The following TGM6 variants were observed in gnomAD, a reference collection of about 807,000 sequenced individuals.
TGM6 encodes the protein transglutaminase 6, also known as protein-glutamine gamma-glutamyltransferase 6.
In TGM6, 74 loss-of-function variants were observed where a neutral mutation model predicts 77.5. The ratio of observed to expected loss-of-function variants is 0.96; its 90% CI spans 0.79 to 1.16. The LOEUF is 1.16. TGM6 is among the 50% of genes most tolerant of loss of function. The pLI is 0.00. For synonymous variants in TGM6, 383 were observed against 378.9 expected, an observed-to-expected ratio of 1.01 and a Z score of -0.12; for missense variants, 968 against 940.2, an observed-to-expected ratio of 1.03 and a Z score of -0.39.
At position 2,387,805 on chromosome 20, in the gene TGM6, C is replaced by T. The variant is rs191714060; in HGVS notation, c.8-6647C>T. Among the ~76,000 whole-genome samples the T allele has an allele frequency of 2.1e-3, 315 of 152,330 alleles. 2 individuals are homozygous for T. The highest frequency in any genetic ancestry group is 2.0e-3 in the Non-Finnish European group (135 of 68,030). ...GGCAGAGCTCGGCAGGGACAGCTTG[C>T]GTCTGCATCAGCTGGGGCAGATTGC... On this transcript the variant is annotated intron_variant, in intron 1 of 12. Transcript: ENST00000202625.
chr20:2,409,692 A>G lies in TGM6; in HGVS notation c.1336+5869A>G, dbSNP rs79242902. ...AGGCCACTGCACTCCAGCCTGGATCACAAAGCGAGACTGTCTCAAAAAAAA... is the reference window on the plus strand; with the variant it reads ...AGGCCACTGCACTCCAGCCTGGATCGCAAAGCGAGACTGTCTCAAAAAAAA... On this transcript the variant is annotated intron_variant, in intron 9 of 12. Transcript: ENST00000202625. Among the ~76,000 whole-genome samples the G allele has an allele frequency of 7.3e-3, 1,113 of 151,746 alleles. 15 individuals carry two copies. The highest frequency in any genetic ancestry group is 0.025 in the African/African-American group (1,032 of 41,282).
At chr20:2,432,464 G>A (rs2084929632) in intron 12 of TGM6, 26 bp from the exon 13 acceptor site, 3 of 1,613,272 alleles carry the variant, frequency 1.9e-6, no homozygotes, top group Admixed American at 1.7e-5. Flanking sequence ...CTGACAGTCT[G>A]CCTTTCTCCC....
At position 2,407,865 on chromosome 20, in the gene TGM6, G is replaced by A. The variant is rs1261047918; in HGVS notation, c.1336+4042G>A. On this transcript the variant is annotated intron_variant, in intron 9 of 12. Coordinates refer to ENST00000202625, the MANE Select transcript of TGM6 (RefSeq NM_198994.3). Reference sequence around the variant, plus strand: ...CCTGAGTGTCAGGCATGATTCAGAGGCAAGGGGACAAAGAGAAGTCCCCAG... The same window carrying A: ...CCTGAGTGTCAGGCATGATTCAGAGACAAGGGGACAAAGAGAAGTCCCCAG... Among the ~76,000 whole-genome samples, 3 of 152,130 alleles carry A rather than the reference G, an allele frequency of 2.0e-5. No homozygotes were observed. In the East Asian group the frequency reaches 5.8e-4, roughly 29 times the overall value.
chr20:2,425,191 A>G, intron 10 of TGM6, among the ~76,000 whole-genome samples: 1 of 152,086 alleles, frequency 6.6e-6, no homozygotes, highest in Non-Finnish European at 1.5e-5. Context: ...AAATTAAAAT[A>G]AAAAATACCT....
intron 10 of TGM6, among the ~76,000 whole-genome samples, chr20:2,423,075 A>G (rs988589067): frequency 1.3e-5 from 2 of 150,406 alleles, no homozygotes; most frequent in African/African-American, 4.9e-5. Context: ...AGGGTTTGAC[A>G]GGATTGACTC....
At chr20:2,388,929 C>T (rs995090703) in intron 1 of TGM6, among the ~76,000 whole-genome samples, 2 of 152,144 alleles carry the variant, frequency 1.3e-5, no homozygotes, top group African/African-American at 4.8e-5. Context: ...TCAACTGTGG[C>T]AGATTATATT....
At chr20:2,387,957 C>T (rs577568276) in intron 1 of TGM6, among the ~76,000 whole-genome samples, 8 of 152,234 alleles carry the variant, frequency 5.3e-5, no homozygotes, top group East Asian at 1.9e-4. Context: ...TGAGATTCTC[C>T]GTGGGCCATT....
chr20:2,414,600 A>C (rs2084803082), intron 9 of TGM6, among the ~76,000 whole-genome samples: 1 of 152,174 alleles, frequency 6.6e-6, no homozygotes, highest in Non-Finnish European at 1.5e-5. Context: ...CCACACAAAA[A>C]CTTTACATGA....
intron 10 of TGM6, among the ~76,000 whole-genome samples, chr20:2,425,285 T>C (rs1460159841): frequency 1.3e-5 from 2 of 152,022 alleles, no homozygotes; most frequent in Non-Finnish European, 2.9e-5. Context: ...AGCTGGAAGT[T>C]TGCAGTGAGC....
At chr20:2,382,014 G>A (rs539037767) in intron 1 of TGM6, among the ~76,000 whole-genome samples, 34 of 152,216 alleles carry the variant, frequency 2.2e-4, no homozygotes, top group Non-Finnish European at 3.1e-4. Context: ...GCTGGGGCCC[G>A]GTAATGAGCA....
intron 10 of TGM6, among the ~76,000 whole-genome samples, chr20:2,429,160 G>T (rs1185499956): frequency 6.6e-6 from 1 of 152,100 alleles, no homozygotes; most frequent in Non-Finnish European, 1.5e-5. Flanking sequence ...TGTAATAAAG[G>T]TTCTTCCAAT....
rs6048758 is a variant in TGM6 at position 2,407,473 on chromosome 20, G to A, written c.1336+3650G>A. On this transcript the variant is annotated intron_variant, in intron 9 of 12. Transcript: ENST00000202625. ...ATTTCTACTAAAAATACAAAAATTA[G>A]CTGGGCGTGGTGGTGGTTGCCTGTA... 6.7e-3 allele frequency among the ~76,000 whole-genome samples: 1,018 copies of A among 152,260 alleles called. 12 individuals carry two copies. The highest frequency in any genetic ancestry group is 0.023 in the African/African-American group (961 of 41,542).
chr20:2,388,778 T>C (rs2084612712), intron 1 of TGM6, among the ~76,000 whole-genome samples: 1 of 152,210 alleles, frequency 6.6e-6, no homozygotes. Flanking sequence ...TAGGAAGATT[T>C]ATTAAATAAA....
chr20:2,428,872 G>T (rs1385124498), intron 10 of TGM6, among the ~76,000 whole-genome samples: 1 of 152,096 alleles, frequency 6.6e-6, no homozygotes. Context: ...CGCTCAGGCT[G>T]GAGTGCAGTG....
intron 9 of TGM6, among the ~76,000 whole-genome samples, chr20:2,404,553 T>A (rs1364019054): frequency 6.6e-6 from 1 of 152,064 alleles, no homozygotes; most frequent in Non-Finnish European, 1.5e-5. Context: ...CCCTGGAAGG[T>A]TGCTAAAGAG....
chr20:2,389,677 A>C (rs2084618110), intron 1 of TGM6, among the ~76,000 whole-genome samples: 1 of 152,202 alleles, frequency 6.6e-6, no homozygotes, highest in Non-Finnish European at 1.5e-5. Flanking sequence ...AGTAAATAAG[A>C]GGAAATCAAT....
chr20:2,384,599 A>T (rs1262495726), intron 1 of TGM6, among the ~76,000 whole-genome samples: 2 of 152,024 alleles, frequency 1.3e-5, no homozygotes, highest in East Asian at 3.9e-4. Flanking sequence ...TATGATCATC[A>T]CCCTCATTGT....
intron 12 of TGM6, among the ~76,000 whole-genome samples, chr20:2,431,878 T>C (rs1395599662): frequency 6.6e-6 from 1 of 152,140 alleles, no homozygotes; most frequent in Non-Finnish European, 1.5e-5. Flanking sequence ...AGAACTTGAT[T>C]TGGGCCTTGG....
intron 10 of TGM6, among the ~76,000 whole-genome samples, chr20:2,423,187 G>T (rs1168883921): frequency 6.6e-6 from 1 of 151,732 alleles, no homozygotes; most frequent in Non-Finnish European, 1.5e-5. Context: ...GGGTGGTTGT[G>T]GCAATTTCTT....
Sources: gnomAD v4.1 joint callset for allele counts (sites outside exome capture counted in the v4.1 genomes callset) on GRCh38, gnomAD v4.1.1 for gene constraint, MANE v1.5 for transcripts, NCBI Gene and HGNC (gene_info 2026-07-23, HGNC 2026-07-21) for gene names.